FUT1: variants seen among roughly 807,000 people sequenced by gnomAD.
The protein encoded by FUT1 is fucosyltransferase 1 (H blood group), also known as galactoside alpha-(1,2)-fucosyltransferase 1.
For missense variants in FUT1, 476 were observed against 492.7 expected, an observed-to-expected ratio of 0.97 and a Z score of 0.32; for synonymous variants, 215 against 208.7, an observed-to-expected ratio of 1.03 and a Z score of -0.26.
rs838138 is a variant in FUT1, at chr19:48,750,460, G to T, written c.822C>A (p.Thr274=). The change falls in exon 2 of 2, where the codon ACC becomes ACA. Residue 274 remains threonine, a synonymous_variant. Transcript: ENST00000645652. ...CAGCAAACGTCACATCGCCCTGGGA[G>T]GTGTCGATGTTTTCTTTACACCACT... The part of the protein sequence containing the change: ...GMEWCKENID[T]SQGDVTFAGD... 8.6e-3 allele frequency: 13,846 copies of T among 1,614,156 alleles called. 1,022 individuals are homozygous for T. The African/African-American group carries it at 0.16, about 19-fold the overall frequency.
chr19:48,751,263 G>T lies in FUT1; in HGVS notation c.19C>A (p.Arg7Ser). The change falls in exon 2 of 2, where the codon CGT (arginine) becomes AGT (serine). Residue 7 changes from arginine (R) to serine (S), a missense_variant. Transcript: ENST00000645652. ...AGCAGGAAGGCCAGGCAGAGCTGACGATGGCTCCGGAGCCACATGGCTGCA... is the reference window on the plus strand; with the variant it reads ...AGCAGGAAGGCCAGGCAGAGCTGACTATGGCTCCGGAGCCACATGGCTGCA... Reference protein sequence around the residue: MWLRSHRQLCLAFLLVC... With the variant: MWLRSHSQLCLAFLLVC... 6.2e-7 allele frequency: 1 copy of T among 1,614,080 alleles called. No homozygotes were observed. Among genetic ancestry groups the T allele is most frequent in the Non-Finnish European group, 8.5e-7 (1 of 1,180,018 alleles).
rs2033934132 is a variant in FUT1, at chr19:48,748,130, G to A, written c.*2054C>T. The A allele has an allele frequency of 6.6e-6, 1 of 152,354 alleles. No individual in the cohort carries two copies. The highest frequency in any genetic ancestry group is 1.5e-5 in the Non-Finnish European group (1 of 68,048). 9.4% of individuals were successfully genotyped at this position (152,354 alleles called of 1,614,324 possible). ...TGATAAGCCTACAGGCATGGGGTCT[G>A]GATGAGTAGACAGGGGATGTGATCA... On this transcript the variant is annotated 3_prime_UTR_variant, in exon 2 of 2. Transcript: ENST00000645652.
At position 48,750,888 on chromosome 19, in the gene FUT1, C is replaced by A; in HGVS notation, c.394G>T (p.Ala132Ser). 2 of 1,613,710 alleles carry A rather than the reference C, an allele frequency of 1.2e-6. No individual in the cohort carries two copies. The highest frequency in any genetic ancestry group is 8.5e-7 in the Non-Finnish European group (1 of 1,179,950). ...PVFRITLPVL[A>S]PEVDSRTPWR... is the part of the protein sequence containing the mutation. ...GGCGTGCGGCTGTCCACTTCTGGGG[C>A]CAGCACGGGCAGGGTGATGCGGAAT... The change falls in exon 2 of 2, where the codon GCC (alanine) becomes TCC (serine). Residue 132 changes from alanine (A) to serine (S), a missense_variant. By Grantham distance (99) the Ala-to-Ser change is moderately conservative. Transcript: ENST00000645652.
upstream of FUT1, chr19:48,752,658 G>A (rs1431754376): frequency 3.3e-5 from 33 of 985,464 alleles, no homozygotes; most frequent in Non-Finnish European, 3.9e-5. This position sits in a 1 kb window ranked among gnomAD's most constrained non-coding sequence, Gnocchi z 4.3. Flanking sequence ...GAGGGCTTGG[G>A]GAGGAGAGGA....
Position 48,748,087 on chromosome 19 carries a change from A to G in FUT1, c.*2097T>C, listed in dbSNP as rs1360120191. ...CTGAGTTGGGAACAGTACTGTAACAATTGTAACTGTAACTCCCTGATAAGC... is the reference window on the plus strand; with the variant it reads ...CTGAGTTGGGAACAGTACTGTAACAGTTGTAACTGTAACTCCCTGATAAGC... On this transcript the variant is annotated 3_prime_UTR_variant, in exon 2 of 2. Coordinates refer to ENST00000645652, the MANE Select transcript of FUT1 (RefSeq NM_001384359.1). 1 of 152,294 alleles carries G rather than the reference A, an allele frequency of 6.6e-6. No homozygotes were observed. Among genetic ancestry groups the G allele is most frequent in the Non-Finnish European group, 1.5e-5 (1 of 68,044 alleles). The allele number at this position is 152,294 out of a possible 1,614,324, so 9.4% of individuals were successfully genotyped here.
Position 48,752,632 on chromosome 19 carries a change from T to C in FUT1, c.-145A>G. On this transcript the variant is annotated 5_prime_UTR_variant, in exon 1 of 2. Coordinates refer to ENST00000645652, the MANE Select transcript of FUT1 (RefSeq NM_001384359.1). This position sits in a 1 kb window ranked among gnomAD's most constrained non-coding sequence, Gnocchi z 4.3. ...CGGCAGCCCTCCCCTCCGCGCAGCC[T>C]GTCCGGACTGGCAGCGAGGGCTTGG... The C allele has an allele frequency of 1.0e-6, 1 of 985,298 alleles. No homozygotes were observed. The highest frequency in any genetic ancestry group is 1.2e-6 in the Non-Finnish European group (1 of 829,862). The allele number at this position is 985,298 out of a possible 1,614,324, so 61.0% of individuals were successfully genotyped here. A position where few individuals can be genotyped will look rare whatever the true frequency, so the allele number is the denominator to read the frequency against.
chr19:48,751,048 G>C lies in FUT1; in HGVS notation c.234C>G (p.Ser78=). Residue 78 remains serine, a synonymous_variant, in exon 2 of 2, where the codon TCC becomes TCG. Coordinates refer to ENST00000645652, the MANE Select transcript of FUT1 (RefSeq NM_001384359.1). The part of the protein sequence containing the change: ...SSCPQHPASL[S]GTWTVYPNGR... Reference sequence around the variant, plus strand: ...CATTGGGGTAGACAGTCCAGGTGCCGGAGAGGGAAGCAGGGTGCTGGGGAC... The same window carrying C: ...CATTGGGGTAGACAGTCCAGGTGCCCGAGAGGGAAGCAGGGTGCTGGGGAC... 6.3e-7 allele frequency: 1 copy of C among 1,599,776 alleles called. No homozygotes were observed. The highest frequency in any genetic ancestry group is 8.5e-7 in the Non-Finnish European group (1 of 1,171,046).
At position 48,748,746 on chromosome 19, in the gene FUT1, CTG is replaced by C. The variant is rs2033945938; in HGVS notation, c.*1436_*1437del. On this transcript the variant is annotated 3_prime_UTR_variant, in exon 2 of 2. Transcript: ENST00000645652. ...CCAACTACCCCAGCTTTTCCAGAGA[CTG>C]TGAACAGAGCAAGACGCTGGCCAAC... 1 of 152,342 alleles carries C rather than the reference CTG, an allele frequency of 6.6e-6. No individual in the cohort carries two copies. Among genetic ancestry groups the C allele is most frequent in the Non-Finnish European group, 1.5e-5 (1 of 68,040 alleles). 9.4% of individuals were successfully genotyped at this position (152,342 alleles called of 1,614,324 possible).
In FUT1 at chr19:48,752,024, G is replaced by A. The variant is rs946457611; in HGVS notation, c.-3+466C>T. Among the ~76,000 whole-genome samples the A allele has an allele frequency of 4.9e-4, 74 of 151,618 alleles. 1 individual carries two copies. Among genetic ancestry groups the A allele is most frequent in the East Asian group, 1.9e-4 (1 of 5,150 alleles). ...GGTCTCAGCTACACCGGATGCTAAG[G>A]CGGGAGGATCCCCGGAGCTCACAAT... On this transcript the variant is annotated intron_variant, in intron 1 of 1. Transcript: ENST00000645652. This position sits in a 1 kb window ranked among gnomAD's most constrained non-coding sequence, Gnocchi z 4.3.
chr19:48,752,738 G>A (rs192856052), upstream of FUT1: 1,065 of 985,334 alleles, frequency 1.1e-3, 8 homozygotes, highest in African/African-American at 0.015. The surrounding 1 kb of genome is among the most constrained non-coding windows in gnomAD (Gnocchi z 4.3). Context: ...GGAAGGTGGA[G>A]CCCCGCCCGT....
At position 48,751,134 on chromosome 19, in the gene FUT1, G is replaced by A; in HGVS notation, c.148C>T (p.Pro50Ser). Residue 50 changes from proline (P) to serine (S), a missense_variant, in exon 2 of 2, where the codon CCC becomes TCC. By Grantham distance (74) the Pro-to-Ser change is moderately conservative. Coordinates refer to ENST00000645652, the MANE Select transcript of FUT1 (RefSeq NM_001384359.1). The stretch of plus-strand genomic sequence containing the variant: ...GGCAGGCAGAAGATGGCCACTGGGG[G>A]TGTCACCAGGCGGCGGTCTGGACAC... ...ILCPDRRLVT[P>S]PVAIFCLPGT... 1 of 1,613,896 alleles carries A rather than the reference G, an allele frequency of 6.2e-7. No homozygotes were observed. The highest frequency in any genetic ancestry group is 8.5e-7 in the Non-Finnish European group (1 of 1,179,842).
chr19:48,750,136 C>G lies in FUT1; in HGVS notation c.*48G>C. On this transcript the variant is annotated 3_prime_UTR_variant, in exon 2 of 2. Transcript: ENST00000645652. ...GATGCCAGGCCTCTGAAGCCACGTACTGCTGGCTCTAGAAAGATCAGGCTA... is the reference window on the plus strand; with the variant it reads ...GATGCCAGGCCTCTGAAGCCACGTAGTGCTGGCTCTAGAAAGATCAGGCTA... 6.3e-7 allele frequency: 1 copy of G among 1,587,330 alleles called. No individual in the cohort carries two copies. Among genetic ancestry groups the G allele is most frequent in the African/African-American group, 1.3e-5 (1 of 74,398 alleles).
At chr19:48,751,779 C>T (rs1246285571) in intron 1 of FUT1, among the ~76,000 whole-genome samples, 2 of 152,256 alleles carry the variant, frequency 1.3e-5, no homozygotes, top group East Asian at 3.9e-4. Context: ...TGGAGAAACC[C>T]TGTCTCTACT....
chr19:48,754,291 G>A (rs761500506), upstream of FUT1, among the ~76,000 whole-genome samples: 43 of 152,190 alleles, frequency 2.8e-4, no homozygotes, highest in Middle Eastern at 3.4e-3. Flanking sequence ...GACAAGGAGC[G>A]TGACCATTGA....
chr19:48,754,380 TCCCTGA>T (rs1471116246), upstream of FUT1, among the ~76,000 whole-genome samples: 3 of 152,150 alleles, frequency 2.0e-5, no homozygotes, highest in East Asian at 5.8e-4. Flanking sequence ...AGCAGAGTGT[TCCCTGA>T]CTCCTCCAAG....
Position 48,750,377 on chromosome 19 carries a change from T to C in FUT1, c.905A>G (p.His302Arg). ...KDFALLTQCN[H>R]TIMTIGTFGF... ...GAAGGTGCCAATGGTCATAATGGTGTGGTTGCACTGTGTGAGCAGGGCAAA... is the reference window on the plus strand; with the variant it reads ...GAAGGTGCCAATGGTCATAATGGTGCGGTTGCACTGTGTGAGCAGGGCAAA... The change falls in exon 2 of 2, where the codon CAC (histidine) becomes CGC (arginine). Residue 302 changes from histidine to arginine, a missense_variant. Coordinates refer to ENST00000645652, the MANE Select transcript of FUT1 (RefSeq NM_001384359.1). 6.2e-7 allele frequency: 1 copy of C among 1,614,214 alleles called. No individual in the cohort carries two copies. Among genetic ancestry groups the C allele is most frequent in the Non-Finnish European group, 8.5e-7 (1 of 1,180,038 alleles).
chr19:48,752,502 C>G lies in FUT1; in HGVS notation c.-15G>C. The G allele has an allele frequency of 1.0e-6, 1 of 985,492 alleles. No individual in the cohort carries two copies. Among genetic ancestry groups the G allele is most frequent in the African/African-American group, 1.7e-5 (1 of 57,338 alleles). The allele number at this position is 985,492 out of a possible 1,614,324, so 61.0% of individuals were successfully genotyped here. On this transcript the variant is annotated 5_prime_UTR_variant, in exon 1 of 2. Transcript: ENST00000645652. The surrounding 1 kb of genome is among the most constrained non-coding windows in gnomAD (Gnocchi z 4.3). ...AGTCCCCACTTACCCGAGCTGCTTG[C>G]AGGTGGCAGATCCACAGTCCGCTTT...
upstream of FUT1, chr19:48,752,826 G>A (rs2034025497): frequency 6.1e-6 from 6 of 985,502 alleles, no homozygotes; most frequent in Non-Finnish European, 6.0e-6. This position sits in a 1 kb window ranked among gnomAD's most constrained non-coding sequence, Gnocchi z 4.3. Flanking sequence ...GGGGATGCAG[G>A]GGACCGCGCC....
Position 48,751,261 on chromosome 19 carries a change from AC to A in FUT1, c.20del (p.Arg7LeufsTer9). On this transcript the variant is annotated frameshift_variant, in exon 2 of 2. Coordinates refer to ENST00000645652, the MANE Select transcript of FUT1 (RefSeq NM_001384359.1). LOFTEE classifies it low-confidence loss of function (END_TRUNC). MWLRSH[R>X]QLCLAFLLVC... ...CTAGCAGGAAGGCCAGGCAGAGCTG[AC>A]GATGGCTCCGGAGCCACATGGCTGC... 6.2e-7 allele frequency: 1 copy of A among 1,613,990 alleles called. No homozygotes were observed. Among genetic ancestry groups the A allele is most frequent in the Non-Finnish European group, 8.5e-7 (1 of 1,180,020 alleles).
Sources: gnomAD v4.1 joint callset for allele counts (sites outside exome capture counted in the v4.1 genomes callset) on GRCh38, gnomAD v4.1.1 for gene constraint, Gnocchi (gnomAD v3.1) non-coding constraint, MANE v1.5 for transcripts, NCBI Gene and HGNC (gene_info 2026-07-23, HGNC 2026-07-21) for gene names.